The following RAI14 variants were observed in gnomAD, a reference collection of about 807,000 sequenced individuals.
The protein encoded by RAI14 is ankycorbin.
In RAI14, 45 loss-of-function variants were observed where a neutral mutation model predicts 115.4. The observed-to-expected ratio is 0.39, with a 90% CI of 0.31 to 0.50. The LOEUF (loss-of-function observed/expected upper bound fraction) is 0.50. RAI14 is among the 20% of genes least tolerant of loss of function. The probability of loss-of-function intolerance (pLI) is 0.85; values close to 1 mark genes in which losing one functional copy is unlikely to be tolerated. For synonymous variants in RAI14, 371 were observed against 415.4 expected (o/e 0.89, Z 1.30); for missense variants, 939 against 1,131.2 (o/e 0.83, Z 2.44).
rs1396874956 is a variant in RAI14 at position 34,817,080 on chromosome 5, G to A, written c.940-1717G>A. Reference sequence around the variant, plus strand: ...ATCATGAGGTCAGGAGATCGAGACCGTCCTGGCTAACACAGTGAAACCCCG... The same window carrying A: ...ATCATGAGGTCAGGAGATCGAGACCATCCTGGCTAACACAGTGAAACCCCG... On this transcript the variant is annotated intron_variant, in intron 12 of 17. Coordinates refer to ENST00000265109, the MANE Select transcript of RAI14 (RefSeq NM_015577.3). Among the ~76,000 whole-genome samples the A allele has an allele frequency of 9.9e-5, 15 of 151,744 alleles. No homozygotes were observed. In the South Asian group the frequency reaches 1.7e-3, roughly 17 times the overall value.
At chr5:34,685,141 G>A (rs1321777647) in intron 1 of RAI14, 1 of 152,052 alleles carries the variant, frequency 6.6e-6, no homozygotes, top group Non-Finnish European at 1.5e-5. Context: ...CAGCTTTTAG[G>A]GAGGGAGAGG....
intron 3 of RAI14, among the ~76,000 whole-genome samples, chr5:34,759,782 A>G (rs997307200): frequency 6.6e-6 from 1 of 152,208 alleles, no homozygotes; most frequent in African/African-American, 2.4e-5. Context: ...GTCTGTGGAA[A>G]AATTGTCTTT....
chr5:34,711,440 G>A (rs568144227), intron 2 of RAI14, among the ~76,000 whole-genome samples: 2 of 152,278 alleles, frequency 1.3e-5, no homozygotes, highest in East Asian at 3.9e-4. Context: ...CAGTGAGGGT[G>A]GGGCAGAAAC....
intron 1 of RAI14, chr5:34,685,219 C>CA (rs1363589287): frequency 8.7e-6 from 1 of 114,904 alleles, no homozygotes; most frequent in African/African-American, 2.8e-5. Context: ...CCATTCGCCA[C>CA]AAAAAAGGAA....
chr5:34,666,815 C>T (rs980070418), intron 1 of RAI14, among the ~76,000 whole-genome samples: 1 of 152,114 alleles, frequency 6.6e-6, no homozygotes, highest in Non-Finnish European at 1.5e-5. Context: ...CAGGGCTGGC[C>T]GTAGTCATTG....
intron 3 of RAI14, chr5:34,757,831 T>G (rs950198081): frequency 2.5e-5 from 8 of 317,836 alleles, no homozygotes; most frequent in Non-Finnish European, 4.4e-5. Context: ...TTTTACCTCC[T>G]AAGATTGCAA....
intron 4 of RAI14, 24 bp downstream of exon 4, chr5:34,796,051 G>A: frequency 1.3e-6 from 2 of 1,560,696 alleles, no homozygotes; most frequent in South Asian, 2.2e-5. Context: ...AGTCTCTTAA[G>A]TCAGCAGGCC....
intron 2 of RAI14, among the ~76,000 whole-genome samples, chr5:34,721,175 C>T (rs72730542): frequency 0.033 from 4,945 of 151,688 alleles, 109 homozygotes; most frequent in South Asian, 0.069. Flanking sequence ...GTAAGGTCTT[C>T]GGCCTCCCGT....
At chr5:34,801,897 C>T (rs1447556641) in intron 4 of RAI14, among the ~76,000 whole-genome samples, 1 of 151,862 alleles carries the variant, frequency 6.6e-6, no homozygotes, top group East Asian at 1.9e-4. Context: ...ATAGCAAGAC[C>T]CCCAGCTCTA....
intron 2 of RAI14, among the ~76,000 whole-genome samples, chr5:34,751,154 A>AT (rs34439436): frequency 0.06 from 7,714 of 128,032 alleles, 263 homozygotes; most frequent in Middle Eastern, 0.085. Flanking sequence ...CCCGGCCATA[A>AT]TTTTTTTTTT....
At chr5:34,771,503 G>A (rs116413306) in intron 3 of RAI14, among the ~76,000 whole-genome samples, 5,259 of 152,228 alleles carry the variant, frequency 0.035, 145 homozygotes, top group Non-Finnish European at 0.048. Flanking sequence ...TATTTCAGCC[G>A]GTAATCAGAA....
chr5:34,815,940 T>G (rs1041795947), intron 12 of RAI14, among the ~76,000 whole-genome samples: 1 of 152,238 alleles, frequency 6.6e-6, no homozygotes, highest in Non-Finnish European at 1.5e-5. Context: ...ATAAATTAAT[T>G]TTTTCAAAAA....
intron 2 of RAI14, among the ~76,000 whole-genome samples, chr5:34,709,592 T>C (rs919905135): frequency 6.6e-6 from 1 of 152,234 alleles, no homozygotes; most frequent in African/African-American, 2.4e-5. Flanking sequence ...AAAAAACAAA[T>C]CTTCATTCAT....
Position 34,811,810 on chromosome 5 carries a change from G to A in RAI14, c.601G>A (p.Val201Met), listed in dbSNP as rs1411699977. 2 of 1,613,454 alleles carry A rather than the reference G, an allele frequency of 1.2e-6. No homozygotes were observed. Among genetic ancestry groups the A allele is most frequent in the South Asian group, 2.2e-5 (2 of 91,060 alleles). Residue 201 changes from valine (V) to methionine (M), a missense_variant, in exon 9 of 18, where the codon GTG becomes ATG. Transcript: ENST00000265109. ...LACEIGSSNA[V>M]EALIKKGADL... ...CTGTGAGATTGGCAGCTCTAACGCT[G>A]TGGAAGCCTTAATTAAAAAGGGTGC... is the stretch of plus-strand genomic sequence containing the variant.
chr5:34,660,132 C>T (rs577358333), intron 1 of RAI14, among the ~76,000 whole-genome samples: 15 of 152,244 alleles, frequency 9.9e-5, no homozygotes, highest in East Asian at 1.9e-4. Context: ...GCCTAGATTA[C>T]ACCACTGCAT....
intron 14 of RAI14, among the ~76,000 whole-genome samples, chr5:34,822,275 A>ATATATATAT: frequency 1.3e-5 from 1 of 76,612 alleles, no homozygotes; most frequent in African/African-American, 5.2e-5. Flanking sequence ...TATATATATA[A>ATATATATAT]AATATTATCC....
chr5:34,729,620 C>T (rs1432880928), intron 2 of RAI14, among the ~76,000 whole-genome samples: 3 of 151,866 alleles, frequency 2.0e-5, no homozygotes, highest in Admixed American at 1.3e-4. Flanking sequence ...CCAATTAATG[C>T]GAAATACTGA....
At chr5:34,766,909 T>C (rs1166365311) in intron 3 of RAI14, among the ~76,000 whole-genome samples, 1 of 152,194 alleles carries the variant, frequency 6.6e-6, no homozygotes, top group East Asian at 1.9e-4. Context: ...TCTCCCATAC[T>C]GTTCTTGCAG....
chr5:34,752,267 A>G (rs1007748388), intron 2 of RAI14, among the ~76,000 whole-genome samples: 1 of 152,244 alleles, frequency 6.6e-6, no homozygotes, highest in Admixed American at 6.5e-5. Flanking sequence ...CAAAAGAATG[A>G]AACTTTTGTA....
Sources: gnomAD v4.1 joint callset for allele counts (sites outside exome capture counted in the v4.1 genomes callset) on GRCh38, gnomAD v4.1.1 for gene constraint, MANE v1.5 for transcripts, NCBI Gene and HGNC (gene_info 2026-07-23, HGNC 2026-07-21) for gene names.